Variants in CTNNA3 observed in about 807,000 individuals in gnomAD.
CTNNA3 encodes catenin alpha-3.
CTNNA3 carries 76 observed loss-of-function variants against 95.7 expected under a neutral mutation model. The observed-to-expected ratio is 0.79, with a 90% CI of 0.66 to 0.96. The LOEUF is 0.96. Ranked by LOEUF, CTNNA3 falls within the 40% of genes least tolerant of loss-of-function variation. The probability of loss-of-function intolerance (pLI) is 0.00; values close to 1 mark genes in which losing one functional copy is unlikely to be tolerated. For synonymous variants in CTNNA3, 431 were observed against 374.4 expected, an observed-to-expected ratio of 1.15 and a Z score of -1.74; for missense variants, 1,191 against 1,089.8, an observed-to-expected ratio of 1.09 and a Z score of -1.31.
At chr10:67,029,582 T>C (rs1047351699) in intron 7 of CTNNA3, among the ~76,000 whole-genome samples, 3 of 152,234 alleles carry the variant, frequency 2.0e-5, no homozygotes, top group Non-Finnish European at 4.4e-5. Context: ...TTTAACATTG[T>C]ATTATTTAAA....
At chr10:67,395,435 CA>C (rs1329656998) in intron 5 of CTNNA3, among the ~76,000 whole-genome samples, 2 of 152,270 alleles carry the variant, frequency 1.3e-5, no homozygotes, top group Non-Finnish European at 2.9e-5. Flanking sequence ...CACCTCCCAC[CA>C]AGCAAGAATT....
chr10:66,824,994 A>T (rs562759857), intron 7 of CTNNA3, among the ~76,000 whole-genome samples: 77 of 151,956 alleles, frequency 5.1e-4, no homozygotes, highest in Admixed American at 1.1e-3. Flanking sequence ...AAATGTATAC[A>T]AGAACTCTTT....
intron 1 of CTNNA3, among the ~76,000 whole-genome samples, chr10:67,682,326 C>CAAA (rs535935296): frequency 3.4e-5 from 4 of 116,658 alleles, no homozygotes; most frequent in African/African-American, 6.2e-5. Flanking sequence ...GACTCTATCT[C>CAAA]AAAAAAAAAA....
intron 1 of CTNNA3, among the ~76,000 whole-genome samples, chr10:67,689,436 C>A (rs955612284): frequency 2.0e-5 from 3 of 152,122 alleles, no homozygotes; most frequent in Non-Finnish European, 4.4e-5. Flanking sequence ...TACTAGAAAT[C>A]ATTCTTATAG....
chr10:66,308,302 T>C (rs1457220961), intron 12 of CTNNA3, among the ~76,000 whole-genome samples: 1 of 152,228 alleles, frequency 6.6e-6, no homozygotes, highest in Non-Finnish European at 1.5e-5. Flanking sequence ...GTTTAACTTT[T>C]TCTCTTTGTT....
chr10:66,182,729 T>A (rs927099238), intron 13 of CTNNA3, among the ~76,000 whole-genome samples: 2 of 130,250 alleles, frequency 1.5e-5, no homozygotes, highest in Non-Finnish European at 3.3e-5. Flanking sequence ...CAAAAAAAGA[T>A]GATTTTTTTT....
At chr10:66,584,053 T>C (rs954086698) in intron 10 of CTNNA3, among the ~76,000 whole-genome samples, 1 of 151,764 alleles carries the variant, frequency 6.6e-6, no homozygotes. Flanking sequence ...AAACTTAATA[T>C]GATTTTGATT....
chr10:67,737,865 G>A (rs985741376), intron 1 of CTNNA3, among the ~76,000 whole-genome samples: 10 of 152,198 alleles, frequency 6.6e-5, no homozygotes, highest in African/African-American at 2.4e-4. Context: ...CAAGGATCTA[G>A]AACTAGAAAT....
chr10:67,220,635 G>A (rs1461967600), intron 5 of CTNNA3, among the ~76,000 whole-genome samples: 3 of 152,154 alleles, frequency 2.0e-5, no homozygotes, highest in Admixed American at 6.5e-5. Context: ...AGGCTGAATG[G>A]TCCGAGAAGG....
At chr10:67,164,628 A>G (rs1290519240) in intron 7 of CTNNA3, among the ~76,000 whole-genome samples, 1 of 152,194 alleles carries the variant, frequency 6.6e-6, no homozygotes. Context: ...AATATTTACA[A>G]AACTAATATC....
intron 11 of CTNNA3, among the ~76,000 whole-genome samples, chr10:66,504,593 G>A (rs1395772104): frequency 2.6e-5 from 4 of 152,272 alleles, no homozygotes; most frequent in South Asian, 4.1e-4. Flanking sequence ...AGGTAGGAAC[G>A]TGCTGTGTGG....
chr10:67,196,938 G>A (rs904830695), intron 6 of CTNNA3, among the ~76,000 whole-genome samples: 1 of 152,012 alleles, frequency 6.6e-6, no homozygotes, highest in African/African-American at 2.4e-5. Flanking sequence ...TACATGGTCT[G>A]TATTTAAAAT....
intron 9 of CTNNA3, among the ~76,000 whole-genome samples, chr10:66,639,742 C>T (rs1845452159): frequency 6.6e-6 from 1 of 152,132 alleles, no homozygotes; most frequent in Admixed American, 6.5e-5. Flanking sequence ...CTTAAAAAGA[C>T]ATAATCTGTA....
chr10:66,699,995 T>A (rs1042810138), intron 9 of CTNNA3, among the ~76,000 whole-genome samples: 2 of 152,088 alleles, frequency 1.3e-5, no homozygotes, highest in African/African-American at 4.8e-5. Context: ...TACTTGGTTT[T>A]TTTTTGTTTT....
At chr10:66,042,899 C>CAAATAAAAAAAAAAAAAA (rs2079728647) in intron 15 of CTNNA3, among the ~76,000 whole-genome samples, 1 of 50,418 alleles carries the variant, frequency 2.0e-5, no homozygotes, top group African/African-American at 8.7e-5. Flanking sequence ...GACTCTGTCT[C>CAAATAAAAAAAAAAAAAA]AAAAAAAAAA....
At chr10:66,532,397 G>T (rs534256507) in intron 10 of CTNNA3, among the ~76,000 whole-genome samples, 7 of 151,786 alleles carry the variant, frequency 4.6e-5, no homozygotes, top group Non-Finnish European at 8.8e-5. Context: ...GGGAGGCGGA[G>T]CTTGCAGTGA....
At chr10:66,985,251 G>C (rs975389222) in intron 7 of CTNNA3, among the ~76,000 whole-genome samples, 2 of 152,122 alleles carry the variant, frequency 1.3e-5, no homozygotes, top group African/African-American at 2.4e-5. Context: ...GTAATATAGT[G>C]ATTATTTATT....
intron 15 of CTNNA3, among the ~76,000 whole-genome samples, chr10:65,995,451 T>A (rs1366182515): frequency 2.0e-5 from 3 of 152,220 alleles, no homozygotes; most frequent in Admixed American, 1.3e-4. Context: ...CCTCTGTCAA[T>A]TAGGCTGTGG....
chr10:67,474,488 A>C (rs1847934020), intron 5 of CTNNA3, among the ~76,000 whole-genome samples: 1 of 152,178 alleles, frequency 6.6e-6, no homozygotes, highest in African/African-American at 2.4e-5. Context: ...CCTTTATCTT[A>C]GACTCCTAGC....
Sources: allele counts gnomAD v4.1 joint callset (sites outside exome capture counted in the v4.1 genomes callset), GRCh38; gene constraint gnomAD v4.1.1; transcripts MANE v1.5; gene names NCBI Gene and HGNC (gene_info 2026-07-23, HGNC 2026-07-21).